XIRP2: variants seen among roughly 807,000 people sequenced by gnomAD.
XIRP2 encodes xin actin-binding repeat-containing protein 2.
Under a neutral mutation model 277.0 loss-of-function variants are expected in XIRP2, and 236 were observed. The ratio of observed to expected loss-of-function variants is 0.85; its 90% CI spans 0.77 to 0.95. The LOEUF (loss-of-function observed/expected upper bound fraction) is 0.95, where lower values mean the gene tolerates loss of function less well. Ranked by LOEUF, XIRP2 falls within the 40% of genes least tolerant of loss-of-function variation. The pLI, the probability that XIRP2 is intolerant of heterozygous loss-of-function variation, is 0.00. For missense variants in XIRP2, 4,640 were observed against 4,157.5 expected (o/e 1.12, Z -3.19); for synonymous variants, 1,490 against 1,416.5 (o/e 1.05, Z -1.17).
chr2:167,121,383 A>C (rs1691052764), intron 2 of XIRP2, among the ~76,000 whole-genome samples: 1 of 152,186 alleles, frequency 6.6e-6, no homozygotes, highest in South Asian at 2.1e-4. Flanking sequence ...TTTCATTTTC[A>C]AAAGGTCAAA....
At chr2:167,157,584 C>T (rs1181185002) in intron 3 of XIRP2, among the ~76,000 whole-genome samples, 1 of 152,084 alleles carries the variant, frequency 6.6e-6, no homozygotes, top group Non-Finnish European at 1.5e-5. Flanking sequence ...ACCACACTCA[C>T]ACACACACGA....
At position 167,246,971 on chromosome 2, in the gene XIRP2, C is replaced by A; in HGVS notation, c.5579C>A (p.Thr1860Lys). The change falls in exon 9 of 11, where the codon ACA becomes AAA. Residue 1860 changes from threonine to lysine, a missense_variant. Physicochemically the swap from Thr to Lys is moderately conservative, Grantham distance 78. Transcript: ENST00000409195. Reference protein sequence around the residue: ...QAVNQKTVTKTEEIIKGNMLA... With the variant: ...QAVNQKTVTKKEEIIKGNMLA... ...GTAAATCAGAAAACAGTGACGAAAA[C>A]AGAAGAAATTATAAAAGGTAACATG... The A allele has an allele frequency of 6.2e-7, 1 of 1,613,436 alleles. No individual in the cohort carries two copies. The highest frequency in any genetic ancestry group is 8.5e-7 in the Non-Finnish European group (1 of 1,179,706).
chr2:166,943,888 GT>G (rs1164955615), intron 2 of XIRP2, among the ~76,000 whole-genome samples: 1 of 152,168 alleles, frequency 6.6e-6, no homozygotes, highest in Non-Finnish European at 1.5e-5. Flanking sequence ...TTGTTCCATA[GT>G]GGGTTTGATT....
At chr2:166,936,464 G>A (rs537346119) in intron 2 of XIRP2, among the ~76,000 whole-genome samples, 1 of 152,274 alleles carries the variant, frequency 6.6e-6, no homozygotes, top group South Asian at 2.1e-4. Flanking sequence ...TGCTTTTGGT[G>A]TTTTAGACAT....
intron 3 of XIRP2, among the ~76,000 whole-genome samples, chr2:167,208,765 T>G (rs1693933652): frequency 6.6e-6 from 1 of 152,202 alleles, no homozygotes; most frequent in African/African-American, 2.4e-5. Flanking sequence ...AAAAAAAGCC[T>G]GAACTTCTAT....
Position 167,097,376 on chromosome 2 carries a change from T to TTTG in XIRP2, c.409-38531_409-38530insGTT, listed in dbSNP as rs1252442545. On this transcript the variant is annotated intron_variant, in intron 2 of 10. Transcript: ENST00000409195. Reference sequence around the variant, plus strand: ...AGACTAGGATTGCAACCCCTGCTTTTTTTTGTTTTGTTTTGTTTTTCATTT... The same window carrying TTTG: ...AGACTAGGATTGCAACCCCTGCTTTTTTGTTTTGTTTTGTTTTGTTTTTCATTT... Among the ~76,000 whole-genome samples the TTTG allele has an allele frequency of 2.0e-5, 3 of 152,040 alleles. No homozygotes were observed. In the East Asian group the frequency reaches 5.8e-4, roughly 29 times the overall value.
chr2:167,012,766 G>A (rs1687718116), intron 2 of XIRP2, among the ~76,000 whole-genome samples: 1 of 151,524 alleles, frequency 6.6e-6, no homozygotes, highest in African/African-American at 2.4e-5. Flanking sequence ...TTCAGACTAA[G>A]AGATGATACA....
At chr2:167,220,908 G>A (rs1490788761) in intron 5 of XIRP2, among the ~76,000 whole-genome samples, 1 of 152,108 alleles carries the variant, frequency 6.6e-6, no homozygotes, top group Non-Finnish European at 1.5e-5. Context: ...CCTGCTCTGC[G>A]AATGTGTATG....
intron 1 of XIRP2, among the ~76,000 whole-genome samples, chr2:166,896,499 A>G: frequency 6.6e-6 from 1 of 151,990 alleles, no homozygotes; most frequent in South Asian, 2.1e-4. Context: ...AAAGTAAAAA[A>G]AAAAGAAAAA....
Position 166,956,280 on chromosome 2 carries a change from A to G in XIRP2, c.408+52390A>G, listed in dbSNP as rs183507203. Reference sequence around the variant, plus strand: ...TTTTTTTGTGTGTAGTGATTTGTGGACTAAATAGCTAGCAGTGAAGTTTTC... The same window carrying G: ...TTTTTTTGTGTGTAGTGATTTGTGGGCTAAATAGCTAGCAGTGAAGTTTTC... On this transcript the variant is annotated intron_variant, in intron 2 of 10. Coordinates refer to ENST00000409195, the MANE Select transcript of XIRP2 (RefSeq NM_152381.6). 3.2e-3 allele frequency among the ~76,000 whole-genome samples: 479 copies of G among 151,952 alleles called. 4 individuals are homozygous for G. Among genetic ancestry groups the G allele is most frequent in the African/African-American group, 0.011 (454 of 41,502 alleles).
At position 167,243,983 on chromosome 2, in the gene XIRP2, G is replaced by A. The variant is rs369486374; in HGVS notation, c.2591G>A (p.Arg864His). ...KEVPDADSLQ[R>H]EEIIGGDVQT... ...GTTCCTGATGCAGATTCTCTACAAC[G>A]TGAGGAGATAATAGGTGGTGATGTA... The change falls in exon 9 of 11, where the codon CGT (arginine) becomes CAT (histidine). Residue 864 changes from arginine to histidine, a missense_variant. Coordinates refer to ENST00000409195, the MANE Select transcript of XIRP2 (RefSeq NM_152381.6). 1.5e-5 allele frequency: 24 copies of A among 1,613,862 alleles called. No homozygotes were observed. The highest frequency in any genetic ancestry group is 2.2e-5 in the South Asian group (2 of 91,080).
At chr2:166,967,409 G>A (rs546116130) in intron 2 of XIRP2, among the ~76,000 whole-genome samples, 3 of 151,940 alleles carry the variant, frequency 2.0e-5, no homozygotes, top group East Asian at 2.0e-4. Flanking sequence ...ATGGAAGCTC[G>A]CAAGGCACAA....
rs1264831253 is a variant in XIRP2 at position 167,246,520 on chromosome 2, G to T, written c.5128G>T (p.Gly1710Cys). 1 of 1,613,652 alleles carries T rather than the reference G, an allele frequency of 6.2e-7. No individual in the cohort carries two copies. Among genetic ancestry groups the T allele is most frequent in the African/African-American group, 1.3e-5 (1 of 75,006 alleles). The part of the protein sequence containing the change: ...GDTIEREEVI[G>C]GDVKRTIHNL... ...CACAATTGAGCGTGAAGAAGTAATAGGTGGTGATGTCAAACGTACCATTCA... is the reference window on the plus strand; with the variant it reads ...CACAATTGAGCGTGAAGAAGTAATATGTGGTGATGTCAAACGTACCATTCA... Residue 1710 changes from glycine (G) to cysteine (C), a missense_variant, in exon 9 of 11, where the codon GGT becomes TGT. Transcript: ENST00000409195.
chr2:167,247,054 C>T lies in XIRP2; in HGVS notation c.5662C>T (p.Pro1888Ser). ...CCATCGATGGAAAGAATCTAAACAGCCTGATGCCATCCCTGGTGATATTGA... is the reference window on the plus strand; with the variant it reads ...CCATCGATGGAAAGAATCTAAACAGTCTGATGCCATCCCTGGTGATATTGA... ...SSHRWKESKQ[P>S]DAIPGDIEKA... Residue 1888 changes from proline (P) to serine (S), a missense_variant, in exon 9 of 11, where the codon CCT becomes TCT. Physicochemically the swap from Pro to Ser is moderately conservative, Grantham distance 74. Coordinates refer to ENST00000409195, the MANE Select transcript of XIRP2 (RefSeq NM_152381.6). 6.2e-7 allele frequency: 1 copy of T among 1,613,104 alleles called. No homozygotes were observed. Among genetic ancestry groups the T allele is most frequent in the Non-Finnish European group, 8.5e-7 (1 of 1,179,622 alleles).
Position 167,245,905 on chromosome 2 carries a change from G to A in XIRP2, c.4513G>A (p.Ala1505Thr). ...TCGAACTTTCGATTCTATTATGGAA[G>A]CACATAAAGGTATCACAAAAATGAC... ...ENRTFDSIME[A>T]HKGITKMTKE... Residue 1505 changes from alanine (A) to threonine (T), a missense_variant, in exon 9 of 11, where the codon GCA becomes ACA. Ala to Thr is a moderately conservative substitution (Grantham distance 58). Transcript: ENST00000409195. The A allele has an allele frequency of 6.2e-7, 1 of 1,613,636 alleles. No individual in the cohort carries two copies. Among genetic ancestry groups the A allele is most frequent in the Middle Eastern group, 1.6e-4 (1 of 6,062 alleles).
intron 2 of XIRP2, among the ~76,000 whole-genome samples, chr2:166,940,820 G>A (rs532135356): frequency 1.3e-5 from 2 of 152,268 alleles, no homozygotes; most frequent in African/African-American, 4.8e-5. Flanking sequence ...TCATCTCAGA[G>A]GGGTACCTGG....
chr2:166,919,493 A>T (rs1001582600), intron 2 of XIRP2, among the ~76,000 whole-genome samples: 2 of 152,202 alleles, frequency 1.3e-5, no homozygotes, highest in African/African-American at 4.8e-5. Flanking sequence ...ACTGTCAGGA[A>T]CATACATTTA....
At chr2:167,028,021 T>C (rs1688223085) in intron 2 of XIRP2, among the ~76,000 whole-genome samples, 1 of 152,098 alleles carries the variant, frequency 6.6e-6, no homozygotes, top group Admixed American at 6.6e-5. Context: ...GAAGGCCATT[T>C]GATATTTGAA....
At chr2:166,915,116 T>G (rs1335591941) in intron 2 of XIRP2, among the ~76,000 whole-genome samples, 1 of 151,272 alleles carries the variant, frequency 6.6e-6, no homozygotes, top group African/African-American at 2.4e-5. Context: ...GCTAACACGA[T>G]GCAACCACGT....
Sources: gnomAD v4.1 joint callset for allele counts (sites outside exome capture counted in the v4.1 genomes callset) on GRCh38, gnomAD v4.1.1 for gene constraint, MANE v1.5 for transcripts, NCBI Gene and HGNC (gene_info 2026-07-23, HGNC 2026-07-21) for gene names.